Variants in FAM151A observed in about 807,000 individuals in gnomAD.
The protein encoded by FAM151A is protein FAM151A.
In FAM151A, 41 loss-of-function variants were observed where a neutral mutation model predicts 40.4. The ratio of observed to expected loss-of-function variants is 1.01; its 90% CI spans 0.79 to 1.32. The LOEUF (loss-of-function observed/expected upper bound fraction) is 1.32, where lower values mean the gene tolerates loss of function less well. Ranked by LOEUF, FAM151A falls within the 40% of genes most tolerant of loss-of-function variation. The probability of loss-of-function intolerance (pLI) is 0.00; values close to 1 mark genes in which losing one functional copy is unlikely to be tolerated. For synonymous variants in FAM151A, 337 were observed against 312.5 expected (o/e 1.08, Z -0.83); for missense variants, 740 against 740.4 (o/e 1.00, Z 0.01).
At chr1:54,614,936 G>A (rs1644156074) in intron 3 of FAM151A, 77 bp from the exon 4 acceptor site, 1 of 1,357,918 alleles carries the variant, frequency 7.4e-7, no homozygotes, top group South Asian at 1.3e-5. Flanking sequence ...AGAAAGCAGA[G>A]CGGGTGTGTG....
chr1:54,612,619 A>G lies in FAM151A; in HGVS notation c.667T>C (p.Tyr223His), dbSNP rs1237191363. 6.2e-7 allele frequency: 1 copy of G among 1,614,096 alleles called. No individual in the cohort carries two copies. The highest frequency in any genetic ancestry group is 1.3e-5 in the African/African-American group (1 of 75,010). Residue 223 changes from tyrosine to histidine, a missense_variant, in exon 5 of 8, where the codon TAC (tyrosine) becomes CAC (histidine). Transcript: ENST00000302250. ...ATCTTCTCCACCATGGCTTGGGTGTACGTCCTGTTTGGGGACGTGGACATG... is the reference window on the plus strand; with the variant it reads ...ATCTTCTCCACCATGGCTTGGGTGTGCGTCCTGTTTGGGGACGTGGACATG... Reference protein sequence around the residue: ...FYMSTSPNRTYTQAMVEKMHE... With the variant: ...FYMSTSPNRTHTQAMVEKMHE...
chr1:54,610,513 A>C lies in FAM151A; in HGVS notation c.983T>G (p.Leu328Arg). Residue 328 changes from leucine to arginine, a missense_variant, in exon 7 of 8, where the codon CTG becomes CGG. Leu to Arg is a moderately radical substitution (Grantham distance 102). Transcript: ENST00000302250. ...RKPMYYTGGSLIPLLQLPGDD... is the reference protein window; with the variant it reads ...RKPMYYTGGSRIPLLQLPGDD... ...CCCAGGCAGCTGGAGAAGAGGGATC[A>C]GGCTGCCTCCCGTGTAGTACATTGG... The C allele has an allele frequency of 1.2e-6, 2 of 1,613,582 alleles. No individual in the cohort carries two copies. The highest frequency in any genetic ancestry group is 1.3e-5 in the African/African-American group (1 of 75,050).
intron 2 of FAM151A, among the ~76,000 whole-genome samples, chr1:54,617,548 C>G (rs1644185516): frequency 6.6e-6 from 1 of 151,224 alleles, no homozygotes; most frequent in South Asian, 2.1e-4. Flanking sequence ...GTGGTCTGTA[C>G]AATCAGGGCC....
intron 3 of FAM151A, among the ~76,000 whole-genome samples, chr1:54,615,219 G>T (rs1045900145): frequency 3.3e-5 from 5 of 152,154 alleles, no homozygotes; most frequent in Non-Finnish European, 5.9e-5. Context: ...AACCACCAGA[G>T]CCTGTAGGGA....
intron 2 of FAM151A, among the ~76,000 whole-genome samples, chr1:54,619,567 G>A (rs1368764556): frequency 1.3e-5 from 2 of 152,164 alleles, no homozygotes; most frequent in East Asian, 1.9e-4. Context: ...GGCTTTGAAG[G>A]TAAAGGCTTC....
intron 5 of FAM151A, 131 bp from the exon 6 acceptor site, chr1:54,611,876 T>C: frequency 1.9e-6 from 2 of 1,050,808 alleles, no homozygotes; most frequent in South Asian, 3.1e-5. Context: ...CACCTGCCAC[T>C]TCTCCCTGAG....
At chr1:54,622,453 C>G (rs374103541) in intron 1 of FAM151A, among the ~76,000 whole-genome samples, 1 of 152,070 alleles carries the variant, frequency 6.6e-6, no homozygotes, top group African/African-American at 2.4e-5. Context: ...TGGCGCACGC[C>G]TGTAGTCCCA....
At position 54,609,789 on chromosome 1, in the gene FAM151A, A is replaced by G; in HGVS notation, c.1237T>C (p.Leu413=). 2.5e-6 allele frequency: 4 copies of G among 1,614,184 alleles called. No individual in the cohort carries two copies. The highest frequency in any genetic ancestry group is 3.4e-6 in the Non-Finnish European group (4 of 1,180,008). The change falls in exon 8 of 8, where the codon TTG becomes CTG. Residue 413 remains leucine, a synonymous_variant. Coordinates refer to ENST00000302250, the MANE Select transcript of FAM151A (RefSeq NM_176782.3). ...ATHPGHWGIH[L]QIAEPAALRP... ...AGGGCTGCGGGCTCCGCTATTTGCA[A>G]ATGGATGCCCCAGTGTCCGGGATGT... is the stretch of plus-strand genomic sequence containing the variant.
rs767884606 is a variant in FAM151A, at chr1:54,609,235, C to G, written c.*33G>C. 31 of 1,593,238 alleles carry G rather than the reference C, an allele frequency of 1.9e-5. No homozygotes were observed. The Admixed American group carries it at 4.8e-4, about 24-fold the overall frequency. Reference sequence around the variant, plus strand: ...CTGCCTCCCCGTGGGAAGCCTCCGCCCTGAGGTCCGCTGGCCCACCACCCC... The same window carrying G: ...CTGCCTCCCCGTGGGAAGCCTCCGCGCTGAGGTCCGCTGGCCCACCACCCC... On this transcript the variant is annotated 3_prime_UTR_variant, in exon 8 of 8. Coordinates refer to ENST00000302250, the MANE Select transcript of FAM151A (RefSeq NM_176782.3).
At chr1:54,614,939 G>GGT (rs71045199) in intron 3 of FAM151A, 80 bp from the exon 4 acceptor site, 471 of 1,205,628 alleles carry the variant, frequency 3.9e-4, no homozygotes, top group Admixed American at 5.5e-4. Context: ...AAGCAGAGCG[G>GGT]GTGTGTGTGT....
chr1:54,610,569 A>C lies in FAM151A; in HGVS notation c.941-14T>G. 1.2e-6 allele frequency: 2 copies of C among 1,607,416 alleles called. No individual in the cohort carries two copies. Among genetic ancestry groups the C allele is most frequent in the South Asian group, 2.2e-5 (2 of 90,454 alleles). The stretch of plus-strand genomic sequence containing the variant: ...GTGTGGCATTCACTGTGGGGCCCCA[A>C]ATCGCCAAGGTGAAGTGGCTGCCAT... On this transcript the variant is annotated splice_polypyrimidine_tract_variant and intron_variant, in intron 6 of 7. Transcript: ENST00000302250.
At chr1:54,617,494 C>T (rs1390092534) in intron 2 of FAM151A, among the ~76,000 whole-genome samples, 1 of 151,662 alleles carries the variant, frequency 6.6e-6, no homozygotes, top group African/African-American at 2.4e-5. Context: ...GAAAACCTAC[C>T]CATTGCTCTA....
In FAM151A at chr1:54,611,715, C is replaced by T. The variant is rs560115344; in HGVS notation, c.831G>A (p.Ser277=). The change falls in exon 6 of 8, where the codon TCG becomes TCA. Residue 277 remains serine (S), a synonymous_variant. Coordinates refer to ENST00000302250, the MANE Select transcript of FAM151A (RefSeq NM_176782.3). ...GCAGATCTTCCACCGACATGGGGTC[C>T]GAGGCAGCCTGCCACAGCGTCAGGC... ...RYSLTLWQAA[S]DPMSVEDLLY... The T allele has an allele frequency of 3.1e-5, 50 of 1,614,096 alleles. 1 individual carries two copies. The highest frequency in any genetic ancestry group is 2.9e-4 in the South Asian group (26 of 91,088).
At position 54,610,417 on chromosome 1, in the gene FAM151A, A is replaced by C; in HGVS notation, c.1079T>G (p.Leu360Arg). Residue 360 changes from leucine (L) to arginine (R), a missense_variant, in exon 7 of 8, where the codon CTC becomes CGC. Transcript: ENST00000302250. ...GGCTGAAGGGTAGACCTTACCTGGGAGGGTCATTGTTGCTGTTTTACCGCT... is the reference window on the plus strand; with the variant it reads ...GGCTGAAGGGTAGACCTTACCTGGGCGGGTCATTGTTGCTGTTTTACCGCT... ...QGSGKTATMT[L>R]PDTEGMILLN... The C allele has an allele frequency of 6.2e-7, 1 of 1,613,102 alleles. No individual in the cohort carries two copies. The highest frequency in any genetic ancestry group is 8.5e-7 in the Non-Finnish European group (1 of 1,179,400).
intron 2 of FAM151A, among the ~76,000 whole-genome samples, chr1:54,616,655 G>A (rs1644176979): frequency 6.6e-6 from 1 of 152,178 alleles, no homozygotes; most frequent in South Asian, 2.1e-4. Flanking sequence ...TTACAGGCGT[G>A]AGCCACCGTG....
In FAM151A at chr1:54,623,423, A is replaced by G; in HGVS notation, c.-28T>C. ...CGACGCTCTCTGGGGAATGCCCCCA[A>G]CTCCGTGCGGCCCAGAGTCCCTGAG... On this transcript the variant is annotated 5_prime_UTR_variant, in exon 1 of 8. Transcript: ENST00000302250. 1 of 1,569,716 alleles carries G rather than the reference A, an allele frequency of 6.4e-7. No homozygotes were observed. Among genetic ancestry groups the G allele is most frequent in the Non-Finnish European group, 8.8e-7 (1 of 1,140,956 alleles).
In FAM151A at chr1:54,609,677, C is replaced by T. The variant is rs1401311067; in HGVS notation, c.1349G>A (p.Gly450Glu). 2 of 1,614,000 alleles carry T rather than the reference C, an allele frequency of 1.2e-6. No homozygotes were observed. The highest frequency in any genetic ancestry group is 1.1e-5 in the South Asian group (1 of 91,078). ...CACATGGCCGGGGACCGAAAAACTC[C>T]CGTGGGAGATTTTGGCCCCAACCCA... ...PVWVGAKISH[G>E]SFSVPGHVAG... Residue 450 changes from glycine to glutamate, a missense_variant, in exon 8 of 8, where the codon GGG (glycine) becomes GAG (glutamate). Gly to Glu is a moderately conservative substitution (Grantham distance 98, BLOSUM62 -2). Coordinates refer to ENST00000302250, the MANE Select transcript of FAM151A (RefSeq NM_176782.3).
rs747906860 is a variant in FAM151A, at chr1:54,609,431, G to A, written c.1595C>T (p.Ser532Phe). The change falls in exon 8 of 8, where the codon TCC becomes TTC. Residue 532 changes from serine to phenylalanine, a missense_variant. Ser to Phe is a radical substitution (Grantham distance 155). Coordinates refer to ENST00000302250, the MANE Select transcript of FAM151A (RefSeq NM_176782.3). ...CTCCACTGTGACGGTGGCCCGGGGG[G>A]AGGATGCCAGCAGCCTGCCTATGGC... Reference protein sequence around the residue: ...AGAIGRLLASSPRATVTVEHN... With the variant: ...AGAIGRLLASFPRATVTVEHN... 3 of 1,613,696 alleles carry A rather than the reference G, an allele frequency of 1.9e-6. No individual in the cohort carries two copies. Among genetic ancestry groups the A allele is most frequent in the South Asian group, 2.2e-5 (2 of 91,090 alleles).
chr1:54,610,622 G>A (rs1644107975), intron 6 of FAM151A, 67 bp from the exon 7 acceptor site: 2 of 1,569,000 alleles, frequency 1.3e-6, no homozygotes, highest in Non-Finnish European at 8.6e-7. Flanking sequence ...TGGTTGCTAG[G>A]GTCCCATAGG....
Sources: gnomAD v4.1 joint callset for allele counts (sites outside exome capture counted in the v4.1 genomes callset) on GRCh38, gnomAD v4.1.1 for gene constraint, MANE v1.5 for transcripts, NCBI Gene and HGNC (gene_info 2026-07-23, HGNC 2026-07-21) for gene names.